Variants in NDUFAF2 observed in about 807,000 individuals in gnomAD.
NDUFAF2 encodes the protein NADH:ubiquinone oxidoreductase complex assembly factor 2.
A neutral mutation model predicts 22.8 loss-of-function variants in NDUFAF2; 13 were observed. The observed-to-expected ratio is 0.57, with a 90% confidence interval of 0.37 to 0.91. NDUFAF2 has a LOEUF of 0.91. NDUFAF2 is among the 40% of genes least tolerant of loss of function. The pLI is 0.01. For synonymous variants in NDUFAF2, 53 were observed against 64.2 expected (o/e 0.83, Z 0.84); for missense variants, 162 against 195.2 (o/e 0.83, Z 1.01).
intron 1 of NDUFAF2, among the ~76,000 whole-genome samples, chr5:60,962,757 C>T (rs1019689523): frequency 2.6e-5 from 4 of 151,078 alleles, no homozygotes; most frequent in Admixed American, 1.3e-4. Flanking sequence ...TGCTTGAACC[C>T]GGGAGGCGGA....
intron 1 of NDUFAF2, among the ~76,000 whole-genome samples, chr5:61,037,758 A>T (rs967790398): frequency 6.6e-6 from 1 of 152,088 alleles, no homozygotes; most frequent in Non-Finnish European, 1.5e-5. Context: ...TCTATAAAAC[A>T]TATCTTTGGA....
chr5:61,073,258 A>G (rs779215042), intron 2 of NDUFAF2, 44 bp downstream of exon 2: 3 of 1,312,048 alleles, frequency 2.3e-6, no homozygotes, highest in Non-Finnish European at 3.3e-6. Context: ...GGTAAGTTAT[A>G]TAACAGTATA....
intron 3 of NDUFAF2, among the ~76,000 whole-genome samples, chr5:61,150,538 A>G (rs1413590485): frequency 1.3e-5 from 2 of 152,246 alleles, no homozygotes; most frequent in Non-Finnish European, 2.9e-5. Context: ...AGGAGAAACA[A>G]GAACAGATCT....
chr5:60,958,198 A>C (rs1750641786), intron 1 of NDUFAF2, among the ~76,000 whole-genome samples: 1 of 152,208 alleles, frequency 6.6e-6, no homozygotes, highest in Admixed American at 6.5e-5. Flanking sequence ...TGCTCTAAGC[A>C]AAACATCTGT....
intron 1 of NDUFAF2, among the ~76,000 whole-genome samples, chr5:60,962,629 G>A (rs1218386557): frequency 2.6e-5 from 4 of 151,902 alleles, no homozygotes; most frequent in African/African-American, 9.7e-5. Flanking sequence ...TCAGGAGATC[G>A]AGACCATCCT....
chr5:61,054,923 A>G (rs1355004908), intron 1 of NDUFAF2, among the ~76,000 whole-genome samples: 2 of 152,226 alleles, frequency 1.3e-5, no homozygotes, highest in African/African-American at 4.8e-5. Context: ...TCGCTGAGAT[A>G]AAGTTAAAAT....
chr5:61,073,232 G>A lies in NDUFAF2; in HGVS notation c.217+18G>A, dbSNP rs1752324092. On this transcript the variant is annotated intron_variant, in intron 2 of 3. Coordinates refer to ENST00000296597, the MANE Select transcript of NDUFAF2 (RefSeq NM_174889.5). The stretch of plus-strand genomic sequence containing the variant: ...ATGGGAAGGTAAGTTTCTGCTTTTA[G>A]TAGAATCTCATGGGAGGTAAGTTAT... 1 of 1,547,042 alleles carries A rather than the reference G, an allele frequency of 6.5e-7. No individual in the cohort carries two copies. The highest frequency in any genetic ancestry group is 1.4e-5 in the African/African-American group (1 of 73,488).
At chr5:61,148,551 C>T (rs1561140151) in intron 3 of NDUFAF2, among the ~76,000 whole-genome samples, 3 of 152,190 alleles carry the variant, frequency 2.0e-5, no homozygotes, top group Non-Finnish European at 2.9e-5. Context: ...TGCCCAGTAG[C>T]CAGTTCTTTC....
At chr5:61,101,546 C>T (rs1022041570) in intron 3 of NDUFAF2, among the ~76,000 whole-genome samples, 7 of 152,054 alleles carry the variant, frequency 4.6e-5, no homozygotes, top group African/African-American at 1.7e-4. Context: ...TCTTATGTTC[C>T]TGGTGCACTT....
intron 1 of NDUFAF2, among the ~76,000 whole-genome samples, chr5:61,053,939 A>T (rs766667033): frequency 2.6e-5 from 4 of 152,204 alleles, no homozygotes; most frequent in East Asian, 1.9e-4. Flanking sequence ...ACAATTAAAA[A>T]TTTTAATTTT....
intron 2 of NDUFAF2, among the ~76,000 whole-genome samples, chr5:61,091,368 A>G (rs1580129555): frequency 6.6e-6 from 1 of 152,090 alleles, no homozygotes; most frequent in Non-Finnish European, 1.5e-5. Flanking sequence ...ACTTTTTAAT[A>G]ATAGCCATTC....
chr5:61,139,666 C>T (rs1417362750), intron 3 of NDUFAF2, among the ~76,000 whole-genome samples: 6 of 152,168 alleles, frequency 3.9e-5, no homozygotes, highest in Admixed American at 3.9e-4. Context: ...CTAATAGGGG[C>T]GGGTCCCTGG....
intron 1 of NDUFAF2, among the ~76,000 whole-genome samples, chr5:60,961,594 CAAA>C (rs36041608): frequency 5.3e-5 from 3 of 56,690 alleles, no homozygotes; most frequent in Non-Finnish European, 6.6e-5. Flanking sequence ...GACTCTGTCT[CAAA>C]AAAAAAAAAA....
chr5:61,031,508 G>A (rs1168883727), intron 1 of NDUFAF2, among the ~76,000 whole-genome samples: 1 of 114,344 alleles, frequency 8.7e-6, no homozygotes, highest in East Asian at 2.5e-4. Context: ...TGGCTGCATA[G>A]TATTCCATGG....
intron 3 of NDUFAF2, among the ~76,000 whole-genome samples, chr5:61,116,967 C>G (rs1032129542): frequency 2.6e-5 from 4 of 152,022 alleles, no homozygotes; most frequent in African/African-American, 9.7e-5. Flanking sequence ...GCGGAAAAAA[C>G]TTGGGAAGGA....
At chr5:61,048,655 G>C (rs1319557162) in intron 1 of NDUFAF2, among the ~76,000 whole-genome samples, 1 of 152,114 alleles carries the variant, frequency 6.6e-6, no homozygotes, top group African/African-American at 2.4e-5. Flanking sequence ...TTGTTTCCCA[G>C]TCTCAGCAAA....
intron 1 of NDUFAF2, among the ~76,000 whole-genome samples, chr5:60,971,191 T>C (rs1361608665): frequency 6.6e-6 from 1 of 151,816 alleles, no homozygotes; most frequent in Non-Finnish European, 1.5e-5. Flanking sequence ...ATGTGCACAA[T>C]GTGCAGGTTT....
At chr5:61,002,694 AT>A (rs947963568) in intron 1 of NDUFAF2, among the ~76,000 whole-genome samples, 2 of 152,126 alleles carry the variant, frequency 1.3e-5, no homozygotes, top group Non-Finnish European at 2.9e-5. Flanking sequence ...TCAATAATTT[AT>A]TTTGTATCTG....
chr5:61,030,970 A>G (rs1299254241), intron 1 of NDUFAF2, among the ~76,000 whole-genome samples: 1 of 151,678 alleles, frequency 6.6e-6, no homozygotes, highest in Non-Finnish European at 1.5e-5. Context: ...CCACCTTTCT[A>G]TTTTGTTAAC....
Sources: gnomAD v4.1 joint callset for allele counts (sites outside exome capture counted in the v4.1 genomes callset) on GRCh38, gnomAD v4.1.1 for gene constraint, MANE v1.5 for transcripts, NCBI Gene and HGNC (gene_info 2026-07-23, HGNC 2026-07-21) for gene names.